Variants in ZZEF1 observed in about 807,000 individuals in gnomAD.
ZZEF1 encodes the protein zinc finger ZZ-type and EF-hand domain containing 1, also known as zinc finger ZZ-type and EF-hand domain-containing protein 1.
Under a neutral mutation model 342.8 loss-of-function variants are expected in ZZEF1, and 157 were observed. The observed-to-expected ratio is 0.46, with a 90% CI of 0.40 to 0.52. The LOEUF is 0.52. Among genes scored for constraint, ZZEF1 ranks in the 20% least tolerant of loss-of-function variants. The probability of loss-of-function intolerance (pLI) is 0.00; values close to 1 mark genes in which losing one functional copy is unlikely to be tolerated. For synonymous variants in ZZEF1, 1,505 were observed against 1,429.1 expected, an observed-to-expected ratio of 1.05 and a Z score of -1.20; for missense variants, 3,480 against 3,725.6, an observed-to-expected ratio of 0.93 and a Z score of 1.72.
rs2057655055 is a variant in ZZEF1, at chr17:4,077,986, G to C, written c.2886C>G (p.Ser962=). ...GGCTGCCTTGGACGGACCAGAACAG[G>C]GAGAAGAGCACAGAGCCCACCTCCC... is the stretch of plus-strand genomic sequence containing the variant. ...APGEVGSVLF[S]LFWSVQGSLL... is the part of the protein sequence containing the mutation. Residue 962 remains serine, a synonymous_variant, in exon 19 of 55, where the codon TCC becomes TCG. Coordinates refer to ENST00000381638, the MANE Select transcript of ZZEF1 (RefSeq NM_015113.4). 2 of 1,614,004 alleles carry C rather than the reference G, an allele frequency of 1.2e-6. No individual in the cohort carries two copies. The highest frequency in any genetic ancestry group is 2.2e-5 in the East Asian group (1 of 44,894).
chr17:4,044,626 C>T (rs2056872933), intron 37 of ZZEF1, among the ~76,000 whole-genome samples: 1 of 151,990 alleles, frequency 6.6e-6, no homozygotes, highest in African/African-American at 2.4e-5. Flanking sequence ...TCAAGCGATC[C>T]TCCTGCCTTA....
At chr17:4,127,863 C>A (rs1054467097) in intron 1 of ZZEF1, among the ~76,000 whole-genome samples, 1 of 152,176 alleles carries the variant, frequency 6.6e-6, no homozygotes, top group African/African-American at 2.4e-5. Context: ...ACTCAGGGAA[C>A]GCACCTATAG....
At position 4,137,442 on chromosome 17, in the gene ZZEF1, CT is replaced by C. The variant is rs373551118; in HGVS notation, c.354+5099del. ...TGGCTAACACGGTGAAACCCCGTCT[CT>C]TACTAAAAAACACAAAAAATTAGCC... On this transcript the variant is annotated intron_variant, in intron 1 of 54. Coordinates refer to ENST00000381638, the MANE Select transcript of ZZEF1 (RefSeq NM_015113.4). Among the ~76,000 whole-genome samples, 913 of 152,104 alleles carry C rather than the reference CT, an allele frequency of 6.0e-3. 10 individuals carry two copies. Among genetic ancestry groups the C allele is most frequent in the African/African-American group, 0.02 (817 of 41,440 alleles).
chr17:4,045,414 T>C (rs879652383), intron 37 of ZZEF1, among the ~76,000 whole-genome samples: 1 of 152,256 alleles, frequency 6.6e-6, no homozygotes, highest in Non-Finnish European at 1.5e-5. Context: ...CTATCGTTAA[T>C]GTACTTTGTT....
chr17:4,006,588 C>T lies in ZZEF1; in HGVS notation c.*302G>A, dbSNP rs571553620. 6.3e-5 allele frequency: 26 copies of T among 410,960 alleles called. No homozygotes were observed. Among genetic ancestry groups the T allele is most frequent in the African/African-American group, 4.8e-4 (23 of 47,892 alleles). 25.5% of individuals were successfully genotyped at this position (410,960 alleles called of 1,614,324 possible). ...CCGCTTCCAAGTCTTCCCAGGCCCA[C>T]GGCTCCTGCAGTGACAGCCTCTGGA... On this transcript the variant is annotated 3_prime_UTR_variant, in exon 55 of 55. Transcript: ENST00000381638.
chr17:4,087,930 T>C (rs2057869350), intron 13 of ZZEF1, among the ~76,000 whole-genome samples: 1 of 152,180 alleles, frequency 6.6e-6, no homozygotes, highest in Non-Finnish European at 1.5e-5. Context: ...TCCCCGTGCA[T>C]GGACTGAAAG....
chr17:4,048,992 A>G (rs1342257172), intron 37 of ZZEF1, among the ~76,000 whole-genome samples: 1 of 150,828 alleles, frequency 6.6e-6, no homozygotes, highest in Non-Finnish European at 1.5e-5. Flanking sequence ...TGCTGGGATT[A>G]CAGGCCACTG....
Position 4,019,712 on chromosome 17 carries a change from G to A in ZZEF1, c.7462C>T (p.Gln2488Ter). ...AAGAAATAATCGGTCTTTTTCATCT[G>A]CAGTTCGTATATGGCCCGGAGAATG... is the stretch of plus-strand genomic sequence containing the variant. ...LHILRAIYEL[Q>*]MKKTDYFFLE... Residue 2488 changes from glutamine to a stop codon, truncating the protein, a stop_gained, in exon 46 of 55, where the codon CAG becomes TAG. Coordinates refer to ENST00000381638, the MANE Select transcript of ZZEF1 (RefSeq NM_015113.4). LOFTEE classifies it high-confidence loss of function. 6.2e-7 allele frequency: 1 copy of A among 1,612,938 alleles called. No homozygotes were observed. The highest frequency in any genetic ancestry group is 8.5e-7 in the Non-Finnish European group (1 of 1,179,690).
chr17:4,022,258 C>A (rs1343047428), intron 44 of ZZEF1, among the ~76,000 whole-genome samples: 1 of 152,112 alleles, frequency 6.6e-6, no homozygotes, highest in African/African-American at 2.4e-5. Context: ...CACAGAAAGT[C>A]CACAGGGAAC....
rs186033129 is a variant in ZZEF1, at chr17:4,024,785, C to T, written c.7092+134G>A. On this transcript the variant is annotated intron_variant, in intron 43 of 54. Coordinates refer to ENST00000381638, the MANE Select transcript of ZZEF1 (RefSeq NM_015113.4). ...TGAAGTTATCTGTGTGTAAGGCCCA[C>T]GCGTTTCTAAAAATAATCAAGATCC... 2.2e-4 allele frequency: 187 copies of T among 856,250 alleles called. 2 individuals are homozygous for T. Among genetic ancestry groups the T allele is most frequent in the Admixed American group, 5.4e-4 (29 of 53,236 alleles). 53.0% of individuals were successfully genotyped at this position (856,250 alleles called of 1,614,324 possible).
chr17:4,034,054 G>A lies in ZZEF1; in HGVS notation c.6545C>T (p.Thr2182Ile). The A allele has an allele frequency of 6.2e-7, 1 of 1,614,194 alleles. No homozygotes were observed. The highest frequency in any genetic ancestry group is 1.3e-5 in the African/African-American group (1 of 75,052). The change falls in exon 40 of 55, where the codon ACC becomes ATC. Residue 2182 changes from threonine (T) to isoleucine (I), a missense_variant. This residue lies in a region of ZZEF1 where 1,269 missense variants were observed against 1,342.4 expected (regional missense o/e 0.95). Coordinates refer to ENST00000381638, the MANE Select transcript of ZZEF1 (RefSeq NM_015113.4). ...AGCTCCCAGGCTAAAGAGCAGGTGG[G>A]TGGTTTTCCAGCCATCTGGCACAAT... ...SSIVPDGWKT[T>I]HLLFSLGAVC...
At chr17:4,038,267 C>T (rs144732346) in intron 39 of ZZEF1, among the ~76,000 whole-genome samples, 52 of 152,206 alleles carry the variant, frequency 3.4e-4, no homozygotes, top group African/African-American at 1.1e-3. Flanking sequence ...GTACAAACAA[C>T]GGCAGAAACT....
At chr17:4,007,120 G>A (rs912308862) in intron 54 of ZZEF1, 150 bp from the exon 55 acceptor site, 7 of 678,194 alleles carry the variant, frequency 1.0e-5, no homozygotes, top group Non-Finnish European at 1.7e-5. Context: ...GCAGAGTGGA[G>A]AGAGAAAAAA....
rs958596771 is a variant in ZZEF1 at position 4,016,200 on chromosome 17, G to A, written c.8145+123C>T. The stretch of plus-strand genomic sequence containing the variant: ...TTCAAGGAAGCACTTTCCTGGACAG[G>A]TCTCTGCTGTCCAGCGGGAGAGAGC... On this transcript the variant is annotated intron_variant, in intron 49 of 54. Coordinates refer to ENST00000381638, the MANE Select transcript of ZZEF1 (RefSeq NM_015113.4). This position sits in a 1 kb window ranked among gnomAD's most constrained non-coding sequence, Gnocchi z 4.4. 3.3e-6 allele frequency: 4 copies of A among 1,195,210 alleles called. No homozygotes were observed. The highest frequency in any genetic ancestry group is 2.3e-5 in the East Asian group (1 of 42,592). 74.0% of individuals were successfully genotyped at this position (1,195,210 alleles called of 1,614,324 possible). A position where few individuals can be genotyped will look rare whatever the true frequency, so the allele number is the denominator to read the frequency against.
At chr17:4,113,876 G>A (rs1481025266) in intron 4 of ZZEF1, among the ~76,000 whole-genome samples, 1 of 151,826 alleles carries the variant, frequency 6.6e-6, no homozygotes, top group African/African-American at 2.4e-5. Context: ...GACTGAGGCA[G>A]GAGGACTGCT....
In ZZEF1 at chr17:4,071,011, G is replaced by C. The variant is rs537980977; in HGVS notation, c.3835-87C>G. 8 of 1,480,216 alleles carry C rather than the reference G, an allele frequency of 5.4e-6. No individual in the cohort carries two copies. In the South Asian group the frequency reaches 9.3e-5, roughly 17 times the overall value. The allele number at this position is 1,480,216 out of a possible 1,614,324, so 91.7% of individuals were successfully genotyped here. On this transcript the variant is annotated intron_variant, in intron 25 of 54. Coordinates refer to ENST00000381638, the MANE Select transcript of ZZEF1 (RefSeq NM_015113.4). ...AGCAAACTATTAGGCCAAAGCAGAA[G>C]TATAAAACACAGTGAACACTCTCCG...
At chr17:4,130,245 G>A (rs1225839301) in intron 1 of ZZEF1, among the ~76,000 whole-genome samples, 2 of 152,172 alleles carry the variant, frequency 1.3e-5, no homozygotes, top group Non-Finnish European at 2.9e-5. Context: ...CCTGAGGTCA[G>A]GAGTTTGAAA....
At chr17:4,026,095 C>T (rs918956115) in intron 42 of ZZEF1, among the ~76,000 whole-genome samples, 2 of 152,114 alleles carry the variant, frequency 1.3e-5, no homozygotes, top group African/African-American at 2.4e-5. Flanking sequence ...GAGTCACTCA[C>T]GAGTCTGTGG....
intron 11 of ZZEF1, among the ~76,000 whole-genome samples, chr17:4,094,954 C>A (rs2058007884): frequency 6.6e-6 from 1 of 152,192 alleles, no homozygotes; most frequent in Non-Finnish European, 1.5e-5. Flanking sequence ...CTACAACATG[C>A]ATTTGAGCCC....
Sources: allele counts gnomAD v4.1 joint callset (sites outside exome capture counted in the v4.1 genomes callset), GRCh38; gene constraint gnomAD v4.1.1; regional missense constraint gnomAD v4.1.1; non-coding constraint Gnocchi (gnomAD v3.1); transcripts MANE v1.5; gene names NCBI Gene and HGNC (gene_info 2026-07-23, HGNC 2026-07-21).